SLC35H1: variants seen among roughly 807,000 people sequenced by gnomAD.
SLC35H1 encodes ovarian cancer-overexpressed gene 1 protein.
the SLC35H1 span, chr20:46,358,426 G>C: frequency 1.2e-6 from 2 of 1,614,238 alleles, no homozygotes; most frequent in South Asian, 1.1e-5. Context: ...TGCCGATGGA[G>C]AAGCAGTAGT....
At chr20:46,357,664 AC>A in the SLC35H1 span, 1 of 1,614,002 alleles carries the variant, frequency 6.2e-7, no homozygotes. Flanking sequence ...CCAGCTCAGC[AC>A]CACACGGGCC....
At chr20:46,352,272 C>T in the SLC35H1 span, 2 of 1,564,198 alleles carry the variant, frequency 1.3e-6, no homozygotes, top group Non-Finnish European at 1.8e-6. Flanking sequence ...TCCTGGGCTG[C>T]CTTGGCCAGC....
the SLC35H1 span, among the ~76,000 whole-genome samples, chr20:46,355,586 G>A: frequency 3.3e-5 from 5 of 152,078 alleles, no homozygotes; most frequent in East Asian, 1.9e-4. This position sits in a 1 kb window ranked among gnomAD's most constrained non-coding sequence, Gnocchi z 4.8. Flanking sequence ...CCCTCATCCT[G>A]CAGTGCTTTC....
At chr20:46,350,618 C>A in the SLC35H1 span, 4 of 1,514,880 alleles carry the variant, frequency 2.6e-6, no homozygotes, top group Non-Finnish European at 3.6e-6. Flanking sequence ...AGGCCCCACC[C>A]ACCCACTCTG....
the SLC35H1 span, chr20:46,356,552 G>A: frequency 6.2e-7 from 1 of 1,613,208 alleles, no homozygotes; most frequent in East Asian, 2.2e-5. Context: ...AAGGGAGGCA[G>A]CAGGGCATGG....
At chr20:46,355,792 G>A in the SLC35H1 span, 3 of 1,614,022 alleles carry the variant, frequency 1.9e-6, no homozygotes, top group Non-Finnish European at 2.5e-6. The surrounding 1 kb of genome is among the most constrained non-coding windows in gnomAD (Gnocchi z 4.8). Context: ...AAGAGACGCT[G>A]GGGCCTCACC....
At chr20:46,353,021 G>A in the SLC35H1 span, 1 of 152,198 alleles carries the variant, frequency 6.6e-6, no homozygotes, top group South Asian at 2.1e-4. Context: ...GACCAACAGT[G>A]CCCCAGCCCA....
At chr20:46,358,547 G>C in the SLC35H1 span, 1 of 1,614,086 alleles carries the variant, frequency 6.2e-7, no homozygotes, top group Non-Finnish European at 8.5e-7. Flanking sequence ...GTCAGCGGGG[G>C]CAGGCACCCC....
the SLC35H1 span, chr20:46,357,667 A>C: frequency 6.2e-7 from 1 of 1,614,036 alleles, no homozygotes; most frequent in Admixed American, 1.7e-5. Flanking sequence ...GCTCAGCACC[A>C]CACGGGCCCT....
chr20:46,362,161 C>T, the SLC35H1 span, among the ~76,000 whole-genome samples: 1 of 152,164 alleles, frequency 6.6e-6, no homozygotes, highest in Non-Finnish European at 1.5e-5. Flanking sequence ...ATCATCTAGG[C>T]ACTTAATGAG....
the SLC35H1 span, chr20:46,355,987 G>A: frequency 6.8e-7 from 1 of 1,478,380 alleles, no homozygotes; most frequent in East Asian, 2.3e-5. The surrounding 1 kb of genome is among the most constrained non-coding windows in gnomAD (Gnocchi z 4.8). Context: ...GAGCTGGGCT[G>A]TCATCTGAGT....
the SLC35H1 span, chr20:46,358,584 C>A: frequency 6.2e-7 from 1 of 1,607,926 alleles, no homozygotes. Flanking sequence ...CAGGAAGAGC[C>A]GGTGGAGTTA....
At chr20:46,355,900 A>T in the SLC35H1 span, 1 of 1,614,072 alleles carries the variant, frequency 6.2e-7, no homozygotes, top group Non-Finnish European at 8.5e-7. The surrounding 1 kb of genome is among the most constrained non-coding windows in gnomAD (Gnocchi z 4.8). Context: ...CCCACAATGC[A>T]CTGCTGGAGC....
chr20:46,355,673 G>A, the SLC35H1 span: 13 of 1,362,906 alleles, frequency 9.5e-6, no homozygotes, highest in Non-Finnish European at 1.2e-5. The surrounding 1 kb of genome is among the most constrained non-coding windows in gnomAD (Gnocchi z 4.8). Context: ...TTCTCAGAAA[G>A]GGATCTACTG....
chr20:46,350,542 C>T, the SLC35H1 span: 1 of 1,573,334 alleles, frequency 6.4e-7, no homozygotes, highest in Non-Finnish European at 8.6e-7. Flanking sequence ...TAGAGAGAGA[C>T]CACAGTTACA....
At chr20:46,352,226 C>T in the SLC35H1 span, 1 of 1,613,974 alleles carries the variant, frequency 6.2e-7, no homozygotes, top group Non-Finnish European at 8.5e-7. Flanking sequence ...CAAATGGAGA[C>T]CTGAAAGCAA....
chr20:46,351,909 A>G, the SLC35H1 span: 1 of 857,194 alleles, frequency 1.2e-6, no homozygotes, highest in African/African-American at 1.7e-5. Flanking sequence ...AGCACTCAGC[A>G]AAGTGCCTGG....
chr20:46,350,362 T>C, the SLC35H1 span: 10 of 1,563,614 alleles, frequency 6.4e-6, no homozygotes, highest in Non-Finnish European at 7.8e-6. Flanking sequence ...GGCTGGGGAG[T>C]GGCCTGCTTC....
At chr20:46,348,159 G>A in the SLC35H1 span, 3 of 113,542 alleles carry the variant, frequency 2.6e-5, no homozygotes, top group South Asian at 9.3e-4. Flanking sequence ...GAGGCCAGGC[G>A]ATTGGGTGGG....
Sources: allele counts gnomAD v4.1 joint callset (sites outside exome capture counted in the v4.1 genomes callset), GRCh38; gene constraint gnomAD v4.1.1; non-coding constraint Gnocchi (gnomAD v3.1); transcripts MANE v1.5; gene names NCBI Gene and HGNC (gene_info 2026-07-23, HGNC 2026-07-21).